Variants in GALNT8 observed in about 807,000 individuals in gnomAD.
GALNT8 encodes polypeptide N-acetylgalactosaminyltransferase 8, also known as probable polypeptide N-acetylgalactosaminyltransferase 8.
Under a neutral mutation model 62.7 loss-of-function variants are expected in GALNT8, and 66 were observed. The ratio of observed to expected loss-of-function variants is 1.05; its 90% confidence interval spans 0.86 to 1.29. The LOEUF (loss-of-function observed/expected upper bound fraction) is 1.29, where lower values mean the gene tolerates loss of function less well. Among genes scored for constraint, GALNT8 ranks in the 50% most tolerant of loss-of-function variants. The pLI, the probability that GALNT8 is intolerant of heterozygous loss-of-function variation, is 0.00. For synonymous variants in GALNT8, 288 were observed against 294.3 expected (o/e 0.98, Z 0.22); for missense variants, 771 against 791.8 (o/e 0.97, Z 0.32).
intron 2 of GALNT8, among the ~76,000 whole-genome samples, chr12:4,727,862 T>C (rs1163290867): frequency 1.3e-5 from 2 of 152,182 alleles, no homozygotes; most frequent in Non-Finnish European, 1.5e-5. Flanking sequence ...AAATGTCTTC[T>C]TTTCTTGTAG....
intron 10 of GALNT8, chr12:4,768,620 T>C (rs536780614): frequency 1.3e-3 from 319 of 238,260 alleles, no homozygotes; most frequent in Non-Finnish European, 2.3e-3. Flanking sequence ...CATTCTAACA[T>C]ACAGGCTGGG....
At chr12:4,747,278 C>T (rs963238110) in intron 6 of GALNT8, among the ~76,000 whole-genome samples, 1 of 152,126 alleles carries the variant, frequency 6.6e-6, no homozygotes, top group Admixed American at 6.5e-5. Context: ...TAACTATAGT[C>T]ATCCTATTGT....
intron 2 of GALNT8, among the ~76,000 whole-genome samples, chr12:4,736,792 TA>T: frequency 6.6e-6 from 1 of 152,226 alleles, no homozygotes; most frequent in East Asian, 1.9e-4. Context: ...AAGTTTTTAA[TA>T]AGAAATTATG....
chr12:4,748,686 A>C (rs1410864209), intron 6 of GALNT8, among the ~76,000 whole-genome samples: 1 of 152,066 alleles, frequency 6.6e-6, no homozygotes, highest in Non-Finnish European at 1.5e-5. Flanking sequence ...TTTGCTAGGC[A>C]TGGTTTTGGT....
intron 6 of GALNT8, among the ~76,000 whole-genome samples, chr12:4,758,628 G>C (rs1189041452): frequency 2.1e-5 from 2 of 93,568 alleles, no homozygotes; most frequent in Non-Finnish European, 4.8e-5. Flanking sequence ...GTGTGTGTGT[G>C]TGTGTGTGTG....
At position 4,721,802 on chromosome 12, in the gene GALNT8, A is replaced by C. The variant is rs189413337; in HGVS notation, c.211+914A>C. 2.5e-4 allele frequency among the ~76,000 whole-genome samples: 38 copies of C among 152,280 alleles called. 1 individual carries two copies. The East Asian group carries it at 5.4e-3, about 22-fold the overall frequency. On this transcript the variant is annotated intron_variant, in intron 1 of 10. Coordinates refer to ENST00000252318, the MANE Select transcript of GALNT8 (RefSeq NM_017417.2). ...CTTTACGGGTGTCGGGCTGGGGGACAGTCAGGTCTTTCCCTTCCCACGAGG... is the reference window on the plus strand; with the variant it reads ...CTTTACGGGTGTCGGGCTGGGGGACCGTCAGGTCTTTCCCTTCCCACGAGG...
At chr12:4,739,404 C>A in intron 3 of GALNT8, 75 bp downstream of exon 3, 2 of 1,295,404 alleles carry the variant, frequency 1.5e-6, no homozygotes, top group Non-Finnish European at 2.2e-6. Context: ...GAGGTTTTGG[C>A]TTAGAGTTTA....
At chr12:4,733,766 TG>T (rs1946230964) in intron 2 of GALNT8, among the ~76,000 whole-genome samples, 1 of 152,182 alleles carries the variant, frequency 6.6e-6, no homozygotes, top group Non-Finnish European at 1.5e-5. Flanking sequence ...GTAGTTAAGG[TG>T]ATTTTATCCA....
rs35971936 is a variant in GALNT8 at position 4,765,352 on chromosome 12, CTTTTTTTTTTT to C, written c.1594-13_1594-3del. ...GACAATGCCTATGGTGAGCCCTCTG[CTTTTTTTTTTT>C]TTTTTTTTTTTTTAGAATGTCTACT... is the stretch of plus-strand genomic sequence containing the variant. On this transcript the variant is annotated splice_polypyrimidine_tract_variant and intron_variant, in intron 9 of 10. Transcript: ENST00000252318. 4 of 1,014,858 alleles carry C rather than the reference CTTTTTTTTTTT, an allele frequency of 3.9e-6. No individual in the cohort carries two copies. The highest frequency in any genetic ancestry group is 3.9e-6 in the Non-Finnish European group (3 of 771,558). The allele number at this position is 1,014,858 out of a possible 1,614,324, so 62.9% of individuals were successfully genotyped here. A position where few individuals can be genotyped will look rare whatever the true frequency, so the allele number is the denominator to read the frequency against.
At chr12:4,738,977 G>T (rs552240153) in intron 2 of GALNT8, among the ~76,000 whole-genome samples, 186 bp from the exon 3 acceptor site, 35 of 152,270 alleles carry the variant, frequency 2.3e-4, no homozygotes, top group African/African-American at 7.7e-4. Context: ...CATAACAGGA[G>T]AATTTTGGAT....
rs776743784 is a variant in GALNT8, at chr12:4,772,475, C to T, written c.1792C>T (p.Arg598Trp). ...GGAVINRDTK[R>W]CLEMKKDLLG... ...AGCTGTCATAAACAGAGATACCAAG[C>T]GGTGTCTGGAGATGAAGAAGGATCT... The change falls in exon 11 of 11, where the codon CGG (arginine) becomes TGG (tryptophan). Residue 598 changes from arginine to tryptophan, a missense_variant. Transcript: ENST00000252318. The T allele has an allele frequency of 3.2e-5, 52 of 1,613,372 alleles. No individual in the cohort carries two copies. Among genetic ancestry groups the T allele is most frequent in the African/African-American group, 1.5e-4 (11 of 74,912 alleles).
rs375732214 is a variant in GALNT8, at chr12:4,720,720, C to T, written c.43C>T (p.Leu15=). ...ACTCCCCAAAGCCCTCTTCATTGGG[C>T]TGACTCTGGCCATTGCTGTCAATCT... ...RKLPKALFIG[L]TLAIAVNLLL... Residue 15 remains leucine, a synonymous_variant, in exon 1 of 11, where the codon CTG becomes TTG. Transcript: ENST00000252318. 9.2e-5 allele frequency: 149 copies of T among 1,613,880 alleles called. No individual in the cohort carries two copies. Among genetic ancestry groups the T allele is most frequent in the Non-Finnish European group, 1.2e-4 (136 of 1,179,746 alleles).
rs1565582027 is a variant in GALNT8 at position 4,720,859 on chromosome 12, C to CTTTCCACTTGGAGGTGGAATT, written c.182_183insTTTCCACTTGGAGGTGGAATT (p.Ser61_His62insPheHisLeuGluValGluPhe). 1 of 1,606,330 alleles carries CTTTCCACTTGGAGGTGGAATT rather than the reference C, an allele frequency of 6.2e-7. No individual in the cohort carries two copies. On this transcript the variant is annotated inframe_insertion, in exon 1 of 11. Coordinates refer to ENST00000252318, the MANE Select transcript of GALNT8 (RefSeq NM_017417.2). ...TACGGGGCAGTGATAAAGAGACTCT[C>CTTTCCACTTGGAGGTGGAATT]CCACTTGGAGGTGGAATTGCAGGAT...
intron 10 of GALNT8, among the ~76,000 whole-genome samples, chr12:4,768,817 G>A (rs1946410969): frequency 6.6e-6 from 1 of 152,194 alleles, no homozygotes; most frequent in African/African-American, 2.4e-5. Context: ...TTGATTGAAT[G>A]TTGGGCTCTT....
intron 1 of GALNT8, among the ~76,000 whole-genome samples, chr12:4,725,955 G>C (rs2137517834): frequency 6.6e-6 from 1 of 152,298 alleles, no homozygotes; most frequent in African/African-American, 2.4e-5. Context: ...GAGAAGCAAG[G>C]GCATAGGTGG....
In GALNT8 at chr12:4,734,372, G is replaced by A. The variant is rs117745714; in HGVS notation, c.510-4791G>A. Among the ~76,000 whole-genome samples the A allele has an allele frequency of 6.6e-5, 10 of 152,244 alleles. No homozygotes were observed. In the East Asian group the frequency reaches 9.6e-4, roughly 15 times the overall value. ...GAAGAAATTCAGGATCTCAGACCCC[G>A]CTCAGACCTACTGATGAGAGGCTGC... On this transcript the variant is annotated intron_variant, in intron 2 of 10. Coordinates refer to ENST00000252318, the MANE Select transcript of GALNT8 (RefSeq NM_017417.2).
chr12:4,721,050 A>T (rs1946165645), intron 1 of GALNT8, among the ~76,000 whole-genome samples, 162 bp downstream of exon 1: 1 of 152,052 alleles, frequency 6.6e-6, no homozygotes, highest in Non-Finnish European at 1.5e-5. Flanking sequence ...CAAATGGGAG[A>T]TGGGTATTGA....
chr12:4,730,078 G>A (rs1946214876), intron 2 of GALNT8, among the ~76,000 whole-genome samples: 1 of 151,894 alleles, frequency 6.6e-6, no homozygotes. Flanking sequence ...TCTCGTTATT[G>A]AGTTGTTTCT....
intron 3 of GALNT8, among the ~76,000 whole-genome samples, chr12:4,743,202 C>A (rs1946279850): frequency 6.6e-6 from 1 of 152,130 alleles, no homozygotes; most frequent in Non-Finnish European, 1.5e-5. Flanking sequence ...GGAAGTGACA[C>A]AGGATGATGT....
Sources: gnomAD v4.1 joint callset for allele counts (sites outside exome capture counted in the v4.1 genomes callset) on GRCh38, gnomAD v4.1.1 for gene constraint, MANE v1.5 for transcripts, NCBI Gene and HGNC (gene_info 2026-07-23, HGNC 2026-07-21) for gene names.